Variants in JADE1 observed in about 807,000 individuals in gnomAD.
JADE1 encodes the protein protein Jade-1.
Under a neutral mutation model 81.8 loss-of-function variants are expected in JADE1, and 14 were observed. The observed-to-expected ratio is 0.17, with a 90% CI of 0.11 to 0.27. The LOEUF (loss-of-function observed/expected upper bound fraction) is 0.27. Ranked by LOEUF, JADE1 falls within the 10% of genes least tolerant of loss-of-function variation. The pLI is 1.00. For synonymous variants in JADE1, 353 were observed against 391.9 expected, an observed-to-expected ratio of 0.90 and a Z score of 1.17; for missense variants, 690 against 1,047.9, an observed-to-expected ratio of 0.66 and a Z score of 4.71.
intron 1 of JADE1, among the ~76,000 whole-genome samples, chr4:128,830,154 G>A (rs1340561538): frequency 2.0e-5 from 3 of 151,560 alleles, no homozygotes; most frequent in Non-Finnish European, 1.5e-5. Flanking sequence ...GGGATTACAG[G>A]TATGAGCCAC....
intron 9 of JADE1, 103 bp downstream of exon 9, chr4:128,862,328 AC>A: frequency 5.9e-6 from 9 of 1,522,506 alleles, no homozygotes; most frequent in Non-Finnish European, 7.9e-6. Context: ...ATACTCTCAG[AC>A]CCTTGTACAC....
At chr4:128,864,304 T>C in intron 9 of JADE1, 1 of 500,494 alleles carries the variant, frequency 2.0e-6, no homozygotes, top group Non-Finnish European at 2.6e-6. Context: ...TGCGCCACCA[T>C]GCCTGGCTAA....
At chr4:128,835,673 A>G (rs1267458089) in intron 2 of JADE1, among the ~76,000 whole-genome samples, 1 of 152,206 alleles carries the variant, frequency 6.6e-6, no homozygotes, top group African/African-American at 2.4e-5. Flanking sequence ...TCCAGCCTGC[A>G]GGCCTGACAG....
chr4:128,860,537 T>C (rs1350745482), intron 8 of JADE1, among the ~76,000 whole-genome samples: 2 of 152,238 alleles, frequency 1.3e-5, no homozygotes, highest in Non-Finnish European at 2.9e-5. Flanking sequence ...CGCTGGATTC[T>C]ACAGCTCTGT....
intron 1 of JADE1, among the ~76,000 whole-genome samples, chr4:128,813,449 C>A (rs987987991): frequency 2.4e-5 from 3 of 125,722 alleles, no homozygotes; most frequent in African/African-American, 9.5e-5. Flanking sequence ...CAGAGTCTTT[C>A]GCTCTGTCAC....
chr4:128,847,935 A>C (rs1405139048), intron 4 of JADE1, among the ~76,000 whole-genome samples: 1 of 152,148 alleles, frequency 6.6e-6, no homozygotes, highest in Non-Finnish European at 1.5e-5. Flanking sequence ...GATTAGGAAG[A>C]TGGCCTTTTT....
At chr4:128,809,965 C>T (rs1289698859) in intron 1 of JADE1, 88 bp downstream of exon 1, 23 of 158,642 alleles carry the variant, frequency 1.4e-4, no homozygotes, top group Non-Finnish European at 2.9e-4. Context: ...TGTGCGCGTC[C>T]CGGTCCCGCG....
chr4:128,863,439 CA>C, intron 9 of JADE1: 5 of 983,926 alleles, frequency 5.1e-6, no homozygotes, highest in African/African-American at 1.8e-5. Flanking sequence ...AACACTGGAC[CA>C]AAAAAGCCTG....
At chr4:128,841,057 G>T (rs1237951213) in intron 2 of JADE1, among the ~76,000 whole-genome samples, 1 of 152,192 alleles carries the variant, frequency 6.6e-6, no homozygotes, top group Non-Finnish European at 1.5e-5. Context: ...AGGTCCCCAA[G>T]GTCTTAAGGG....
intron 2 of JADE1, among the ~76,000 whole-genome samples, chr4:128,840,872 T>A (rs1009257136): frequency 1.3e-5 from 2 of 152,242 alleles, no homozygotes; most frequent in South Asian, 2.1e-4. Flanking sequence ...CAGCAGGAGC[T>A]CCAGTTCTGC....
intron 8 of JADE1, 70 bp from the exon 9 acceptor site, chr4:128,861,634 G>A (rs778935819): frequency 7.8e-5 from 120 of 1,537,924 alleles, no homozygotes; most frequent in Middle Eastern, 2.3e-4. Flanking sequence ...GGGGTGCCTA[G>A]CACTGCAGGC....
Position 128,855,897 on chromosome 4 carries a change from G to T in JADE1, c.864+100G>T, listed in dbSNP as rs145884860. ...GCAGTGAGCTGGATCATGGCTCACT[G>T]CAGCCTTGACCTGCTGGGCTCAAGT... On this transcript the variant is annotated intron_variant, in intron 7 of 10. Coordinates refer to ENST00000226319, the MANE Select transcript of JADE1 (RefSeq NM_199320.4). The T allele has an allele frequency of 1.7e-5, 18 of 1,059,864 alleles. 1 individual carries two copies. Among genetic ancestry groups the T allele is most frequent in the Non-Finnish European group, 2.3e-5 (17 of 753,402 alleles). The allele number at this position is 1,059,864 out of a possible 1,614,324, so 65.7% of individuals were successfully genotyped here.
chr4:128,846,597 A>G lies in JADE1; in HGVS notation c.296+65A>G. 6.5e-7 allele frequency: 1 copy of G among 1,534,378 alleles called. No homozygotes were observed. Among genetic ancestry groups the G allele is most frequent in the Non-Finnish European group, 8.9e-7 (1 of 1,122,842 alleles). On this transcript the variant is annotated intron_variant, in intron 4 of 10. Transcript: ENST00000226319. The surrounding 1 kb of genome is among the most constrained non-coding windows in gnomAD (Gnocchi z 4.0). Reference sequence around the variant, plus strand: ...TTGCTCTTCTTCCCTGACAGCAGGCATCTGAGAAGAGACAATTTCTGTGGG... The same window carrying G: ...TTGCTCTTCTTCCCTGACAGCAGGCGTCTGAGAAGAGACAATTTCTGTGGG...
chr4:128,853,715 C>T (rs1730561025), intron 6 of JADE1, among the ~76,000 whole-genome samples: 1 of 152,146 alleles, frequency 6.6e-6, no homozygotes, highest in Admixed American at 6.5e-5. Context: ...AAAAGAAAGA[C>T]TTGTATGGAA....
chr4:128,823,212 A>G lies in JADE1; in HGVS notation c.-26-8521A>G, dbSNP rs539386563. 1.1e-4 allele frequency among the ~76,000 whole-genome samples: 16 copies of G among 152,312 alleles called. No homozygotes were observed. The East Asian group carries it at 1.5e-3, about 15-fold the overall frequency. ...TTGCTGACTCTTAATTGAGTCAGCA[A>G]TTACAGAGTCCTGGAAGGGGTTTAA... On this transcript the variant is annotated intron_variant, in intron 1 of 10. Transcript: ENST00000226319.
At chr4:128,831,930 A>G in intron 2 of JADE1, 120 bp downstream of exon 2, 1 of 891,586 alleles carries the variant, frequency 1.1e-6, no homozygotes, top group Non-Finnish European at 1.9e-6. Context: ...GGTCAGAGAA[A>G]GCCAAAGCCT....
intron 9 of JADE1, chr4:128,864,635 T>A: frequency 4.1e-6 from 4 of 983,524 alleles, no homozygotes; most frequent in Non-Finnish European, 4.8e-6. Flanking sequence ...ACTACCAACT[T>A]GTTTTCTCAA....
Position 128,843,012 on chromosome 4 carries a change from A to G in JADE1, c.112A>G (p.Arg38Gly), listed in dbSNP as rs748686012. The change falls in exon 3 of 11, where the codon AGA (arginine) becomes GGA (glycine). Residue 38 changes from arginine (R) to glycine (G), a missense_variant. Around this residue, in one of 8 missense-constraint regions of JADE1, gnomAD observed 59 missense variants for 52.8 expected, o/e 1.12. Transcript: ENST00000226319. ...RSQHRRSSCS[R>G]HEDRKPSEVF... ...CCAGCATAGGAGAAGCTCCTGCTCC[A>G]GACATGAAGATCGAAAGCCTTCAGA... The G allele has an allele frequency of 1.2e-6, 2 of 1,613,942 alleles. No individual in the cohort carries two copies. The highest frequency in any genetic ancestry group is 1.1e-5 in the South Asian group (1 of 91,090).
intron 2 of JADE1, among the ~76,000 whole-genome samples, chr4:128,837,162 C>T (rs1729052976): frequency 6.6e-6 from 1 of 152,182 alleles, no homozygotes; most frequent in Non-Finnish European, 1.5e-5. Flanking sequence ...TCTCTGGTCT[C>T]CCTGTTTCTG....
Sources: allele counts gnomAD v4.1 joint callset (sites outside exome capture counted in the v4.1 genomes callset), GRCh38; gene constraint gnomAD v4.1.1; regional missense constraint gnomAD v4.1.1; non-coding constraint Gnocchi (gnomAD v3.1); transcripts MANE v1.5; gene names NCBI Gene and HGNC (gene_info 2026-07-23, HGNC 2026-07-21).